Variants in SDK1 observed in about 807,000 individuals in gnomAD.
The protein encoded by SDK1 is sidekick cell adhesion molecule 1.
Under a neutral mutation model 245.5 loss-of-function variants are expected in SDK1, and 157 were observed. The observed-to-expected ratio is 0.64, with a 90% CI of 0.56 to 0.73. The LOEUF (loss-of-function observed/expected upper bound fraction) is 0.73, where lower values mean the gene tolerates loss of function less well. SDK1 is among the 30% of genes least tolerant of loss of function. The probability of loss-of-function intolerance (pLI) is 0.00; values close to 1 mark genes in which losing one functional copy is unlikely to be tolerated. For synonymous variants in SDK1, 1,647 were observed against 1,278.5 expected, an observed-to-expected ratio of 1.29 and a Z score of -6.15; for missense variants, 3,583 against 3,002.3, an observed-to-expected ratio of 1.19 and a Z score of -4.52.
At chr7:3,768,237 C>G (rs184289730) in intron 4 of SDK1, among the ~76,000 whole-genome samples, 205 of 152,282 alleles carry the variant, frequency 1.3e-3, no homozygotes, top group African/African-American at 4.7e-3. Flanking sequence ...TCTCCTCTAC[C>G]ACCTAAGTTG....
intron 1 of SDK1, among the ~76,000 whole-genome samples, chr7:3,430,862 T>G (rs1477042138): frequency 6.6e-6 from 1 of 152,196 alleles, no homozygotes; most frequent in African/African-American, 2.4e-5. Flanking sequence ...TCACTTGTAT[T>G]CAGCTTTCCT....
At chr7:3,633,016 A>T (rs1035892568) in intron 2 of SDK1, among the ~76,000 whole-genome samples, 1 of 152,164 alleles carries the variant, frequency 6.6e-6, no homozygotes, top group Non-Finnish European at 1.5e-5. Context: ...CCAAAAAGAG[A>T]ATTGATGTAT....
At chr7:3,761,747 A>G (rs767243753) in intron 4 of SDK1, among the ~76,000 whole-genome samples, 1 of 152,098 alleles carries the variant, frequency 6.6e-6, no homozygotes, top group Non-Finnish European at 1.5e-5. Flanking sequence ...TAAGTAGCAG[A>G]TTATAGTTAT....
Position 4,132,443 on chromosome 7 carries a change from C to T in SDK1, c.4228+20C>T, listed in dbSNP as rs112641730. 1.4e-3 allele frequency: 2,167 copies of T among 1,565,150 alleles called. 21 individuals carry two copies. In the African/African-American group the frequency reaches 0.02, roughly 15 times the overall value. The stretch of plus-strand genomic sequence containing the variant: ...TCCTGGGTAAGGGAGCGGCGGTGGC[C>T]GGGCGTGGTGGCTCAGGCCTGTCAT... On this transcript the variant is annotated intron_variant, in intron 28 of 44. Coordinates refer to ENST00000404826, the MANE Select transcript of SDK1 (RefSeq NM_152744.4).
At chr7:3,305,647 C>T (rs1779397212) in intron 1 of SDK1, among the ~76,000 whole-genome samples, 2 of 152,214 alleles carry the variant, frequency 1.3e-5, no homozygotes, top group South Asian at 4.1e-4. Context: ...GACTCCCTTA[C>T]TTGAATATCA....
chr7:3,572,879 C>T (rs943273347), intron 1 of SDK1, among the ~76,000 whole-genome samples: 2 of 151,974 alleles, frequency 1.3e-5, no homozygotes, highest in Admixed American at 1.3e-4. Context: ...GAAGAGATTC[C>T]TGGAAGAATT....
intron 1 of SDK1, among the ~76,000 whole-genome samples, chr7:3,475,856 T>A (rs570512819): frequency 6.6e-6 from 1 of 152,220 alleles, no homozygotes; most frequent in African/African-American, 2.4e-5. Context: ...TGTGGCATCA[T>A]GTGGTACTTC....
chr7:3,645,623 T>TA (rs1782810400), intron 4 of SDK1, among the ~76,000 whole-genome samples: 1 of 152,152 alleles, frequency 6.6e-6, no homozygotes, highest in Admixed American at 6.5e-5. Flanking sequence ...GTTTAAAAAT[T>TA]AAAAAATCTA....
chr7:4,234,342 G>C (rs1224181027), intron 41 of SDK1, among the ~76,000 whole-genome samples: 1 of 152,224 alleles, frequency 6.6e-6, no homozygotes, highest in Non-Finnish European at 1.5e-5. Flanking sequence ...GGGAGTGGCA[G>C]AGAAGGCCAG....
At chr7:4,110,607 G>C in intron 22 of SDK1, 56 bp from the exon 23 acceptor site, 1 of 1,264,856 alleles carries the variant, frequency 7.9e-7, no homozygotes, top group Non-Finnish European at 1.2e-6. Context: ...TGGTCTACAT[G>C]GCAGCCTCAG....
chr7:4,104,216 C>T (rs1782761705), intron 22 of SDK1, among the ~76,000 whole-genome samples: 1 of 152,208 alleles, frequency 6.6e-6, no homozygotes, highest in Admixed American at 6.5e-5. Context: ...TGCACCACCA[C>T]ACCTAGCTAG....
chr7:3,832,489 T>A (rs985186), intron 5 of SDK1, among the ~76,000 whole-genome samples: 13,861 of 152,104 alleles, frequency 0.091, 2,061 homozygotes, highest in African/African-American at 0.31. Context: ...AAAATTGTAG[T>A]TCTTTACAAT....
At chr7:4,094,884 T>C (rs542286021) in intron 22 of SDK1, among the ~76,000 whole-genome samples, 5 of 152,314 alleles carry the variant, frequency 3.3e-5, no homozygotes, top group African/African-American at 7.2e-5. Flanking sequence ...AGGTGACACA[T>C]TGGTTTTACC....
At chr7:3,415,628 G>T (rs894604467) in intron 1 of SDK1, among the ~76,000 whole-genome samples, 2 of 151,690 alleles carry the variant, frequency 1.3e-5, no homozygotes, top group African/African-American at 4.8e-5. Flanking sequence ...ATACCCACAA[G>T]TCCATGATAG....
intron 14 of SDK1, among the ~76,000 whole-genome samples, chr7:4,008,499 G>A (rs948439234): frequency 6.6e-6 from 1 of 152,346 alleles, no homozygotes; most frequent in Non-Finnish European, 1.5e-5. Context: ...ATTGGCCGGG[G>A]TCGGGTCATA....
intron 5 of SDK1, among the ~76,000 whole-genome samples, chr7:3,903,144 G>GT (rs1414750594): frequency 4.7e-4 from 61 of 130,428 alleles, no homozygotes; most frequent in African/African-American, 1.5e-3. Context: ...TTTGTTTTTT[G>GT]TTTTGTTTTT....
At chr7:3,507,166 A>G (rs952821909) in intron 1 of SDK1, among the ~76,000 whole-genome samples, 1 of 152,216 alleles carries the variant, frequency 6.6e-6, no homozygotes, top group South Asian at 2.1e-4. Context: ...GTGGGACTCT[A>G]ATGTCTTCAA....
chr7:3,950,880 T>C (rs1735183893), intron 5 of SDK1, 43 bp from the exon 6 acceptor site: 1 of 1,499,350 alleles, frequency 6.7e-7, no homozygotes, highest in Admixed American at 1.8e-5. Context: ...GGGGTGCTCC[T>C]GTACTTAGAG....
chr7:3,852,552 C>T (rs1304618950), intron 5 of SDK1, among the ~76,000 whole-genome samples: 1 of 151,364 alleles, frequency 6.6e-6, no homozygotes, highest in East Asian at 1.9e-4. Context: ...TTGAGACCAT[C>T]CTGGCTAACA....
Sources: allele counts gnomAD v4.1 joint callset (sites outside exome capture counted in the v4.1 genomes callset), GRCh38; gene constraint gnomAD v4.1.1; transcripts MANE v1.5; gene names NCBI Gene and HGNC (gene_info 2026-07-23, HGNC 2026-07-21).